PPP1R21: variants seen among roughly 807,000 people sequenced by gnomAD.
PPP1R21 encodes the protein KLRAQ motif containing 1.
In PPP1R21, 85 loss-of-function variants were observed where a neutral mutation model predicts 112.8. The ratio of observed to expected loss-of-function variants is 0.75; its 90% CI spans 0.63 to 0.90. PPP1R21 has a LOEUF of 0.90. Among genes scored for constraint, PPP1R21 ranks in the 40% least tolerant of loss-of-function variants. PPP1R21 has a pLI of 0.00. For missense variants in PPP1R21, 1,199 were observed against 901.5 expected (o/e 1.33, Z -4.23); for synonymous variants, 381 against 322.3 (o/e 1.18, Z -1.95).
At chr2:48,489,565 T>G (rs774389166) in intron 14 of PPP1R21, among the ~76,000 whole-genome samples, 10 of 151,742 alleles carry the variant, frequency 6.6e-5, no homozygotes, top group Non-Finnish European at 1.3e-4. Flanking sequence ...GGTCTTGAAC[T>G]CTGGGCTCAA....
intron 12 of PPP1R21, 64 bp downstream of exon 12, chr2:48,474,883 G>A: frequency 6.9e-7 from 1 of 1,458,042 alleles, no homozygotes; most frequent in Non-Finnish European, 9.4e-7. Flanking sequence ...GCTGGAAAAG[G>A]GAGATGGTTT....
chr2:48,498,185 T>C (rs1220432072), intron 16 of PPP1R21, among the ~76,000 whole-genome samples: 1 of 152,128 alleles, frequency 6.6e-6, no homozygotes, highest in African/African-American at 2.4e-5. Flanking sequence ...TTGTATGTTC[T>C]AGTTATTGGG....
In PPP1R21 at chr2:48,495,765, A is replaced by G. The variant is rs1226473216; in HGVS notation, c.1686A>G (p.Ala562=). 2 of 1,584,308 alleles carry G rather than the reference A, an allele frequency of 1.3e-6. No homozygotes were observed. Among genetic ancestry groups the G allele is most frequent in the Non-Finnish European group, 1.7e-6 (2 of 1,152,788 alleles). ...CTACTGAAAGTCGAGAAGGCCTTGC[A>G]CAGCAAGTATGGCACTGGGAAAATT... ...LSSTESREGL[A]QQVQQSLEKI... Residue 562 remains alanine, a synonymous_variant, in exon 16 of 22, where the codon GCA becomes GCG. Transcript: ENST00000294952.
intron 13 of PPP1R21, among the ~76,000 whole-genome samples, chr2:48,481,803 G>C (rs1036140478): frequency 6.6e-6 from 1 of 152,178 alleles, no homozygotes; most frequent in African/African-American, 2.4e-5. Context: ...AATCCAAAAT[G>C]CTTCAAAATC....
intron 5 of PPP1R21, 36 bp downstream of exon 5, chr2:48,459,954 T>C: frequency 6.2e-7 from 1 of 1,601,766 alleles, no homozygotes; most frequent in Non-Finnish European, 8.5e-7. Flanking sequence ...AAAAAATAGT[T>C]ACAGCTTTTG....
chr2:48,465,731 G>C, intron 9 of PPP1R21, 89 bp downstream of exon 9: 2 of 1,169,352 alleles, frequency 1.7e-6, no homozygotes, highest in Non-Finnish European at 2.4e-6. Flanking sequence ...CACCATCCAA[G>C]TACTGCAAAG....
intron 2 of PPP1R21, 56 bp from the exon 3 acceptor site, chr2:48,454,539 A>G: frequency 6.3e-7 from 1 of 1,593,908 alleles, no homozygotes; most frequent in East Asian, 2.3e-5. Context: ...TTTTAATAAA[A>G]TTTCTAAACC....
intron 19 of PPP1R21, among the ~76,000 whole-genome samples, chr2:48,508,627 C>T (rs1271501295): frequency 6.6e-6 from 1 of 152,176 alleles, no homozygotes; most frequent in Non-Finnish European, 1.5e-5. Context: ...CATGGATCCT[C>T]ATTGTTTGGT....
rs1572906921 is a variant in PPP1R21 at position 48,515,010 on chromosome 2, G to A, written c.*266G>A. The stretch of plus-strand genomic sequence containing the variant: ...TAGGTTTCCTTATGCTGTTTTTACT[G>A]TGCACTTTTTAAAATTAGGTTTTAA... On this transcript the variant is annotated 3_prime_UTR_variant, in exon 22 of 22. Coordinates refer to ENST00000294952, the MANE Select transcript of PPP1R21 (RefSeq NM_001135629.3). The A allele has an allele frequency of 2.4e-6, 1 of 415,164 alleles. No homozygotes were observed. Among genetic ancestry groups the A allele is most frequent in the Non-Finnish European group, 4.2e-6 (1 of 236,506 alleles). 25.7% of individuals were successfully genotyped at this position (415,164 alleles called of 1,614,324 possible). A position where few individuals can be genotyped will look rare whatever the true frequency, so the allele number is the denominator to read the frequency against.
intron 11 of PPP1R21, among the ~76,000 whole-genome samples, chr2:48,472,239 C>CAAAAAAAAAAAAAAA: frequency 2.3e-5 from 1 of 43,016 alleles, no homozygotes. Flanking sequence ...GACTCCATCT[C>CAAAAAAAAAAAAAAA]AAAAAAAAAA....
intron 21 of PPP1R21, among the ~76,000 whole-genome samples, chr2:48,513,282 G>A (rs1164010533): frequency 6.6e-6 from 1 of 151,696 alleles, no homozygotes; most frequent in Non-Finnish European, 1.5e-5. Context: ...TTGGCTCACT[G>A]CAACCTTCAC....
intron 14 of PPP1R21, among the ~76,000 whole-genome samples, chr2:48,490,160 AGTGAGCTGAGATT>A (rs1341757239): frequency 2.8e-5 from 4 of 144,970 alleles, no homozygotes; most frequent in East Asian, 4.5e-4. Context: ...CAGAGGTGGC[AGTGAGCTGAGATT>A]GTGCCACTCC....
At chr2:48,444,627 A>G (rs55757090) in intron 1 of PPP1R21, among the ~76,000 whole-genome samples, 21,919 of 152,232 alleles carry the variant, frequency 0.14, 2,262 homozygotes, top group East Asian at 0.52. Context: ...CCCTGGGTCA[A>G]TGATTCTCAA....
chr2:48,512,394 T>A (rs1224484671), intron 21 of PPP1R21, among the ~76,000 whole-genome samples: 1 of 147,480 alleles, frequency 6.8e-6, no homozygotes, highest in African/African-American at 2.7e-5. Flanking sequence ...TCCATTTTCA[T>A]AACTCAGTAT....
At chr2:48,448,391 T>G (rs1256897227) in intron 1 of PPP1R21, among the ~76,000 whole-genome samples, 1 of 152,246 alleles carries the variant, frequency 6.6e-6, no homozygotes, top group African/African-American at 2.4e-5. Flanking sequence ...TAGTCTGCAG[T>G]GTGCCTTAGA....
chr2:48,474,754 A>G lies in PPP1R21; in HGVS notation c.1160A>G (p.Asp387Gly). 2 of 1,613,462 alleles carry G rather than the reference A, an allele frequency of 1.2e-6. No individual in the cohort carries two copies. The highest frequency in any genetic ancestry group is 1.1e-5 in the South Asian group (1 of 90,976). ...GCCAGGAATCTAGAGCTGTCCCAGG[A>G]CATGAAAAAAATGACAGCTGTGTTT... ...LRARNLELSQ[D>G]MKKMTAVFEK... The change falls in exon 12 of 22, where the codon GAC becomes GGC. Residue 387 changes from aspartate to glycine, a missense_variant. By Grantham distance (94) the Asp-to-Gly change is moderately conservative. Transcript: ENST00000294952.
rs1668923632 is a variant in PPP1R21, at chr2:48,479,780, G to A, written c.1226-144G>A. ...GCTTATGTGTATCACCATTATGTCT[G>A]AATGTATCTGCCACGATTTTAAGAG... On this transcript the variant is annotated intron_variant, in intron 12 of 21. Transcript: ENST00000294952. 3 of 653,736 alleles carry A rather than the reference G, an allele frequency of 4.6e-6. No individual in the cohort carries two copies. In the South Asian group the frequency reaches 5.3e-5, roughly 12 times the overall value. 40.5% of individuals were successfully genotyped at this position (653,736 alleles called of 1,614,324 possible).
In PPP1R21 at chr2:48,465,631, T is replaced by C. The variant is rs1447265913; in HGVS notation, c.886T>C (p.Leu296=). ...TTCTGCCATTGACACTATATCTCCA[T>C]TGAATCAGAAGGTAAATTTAATTCA... ...VDSAIDTISP[L]NQKFSQYLHE... Residue 296 remains leucine, a synonymous_variant, in exon 9 of 22, where the codon TTG becomes CTG. Coordinates refer to ENST00000294952, the MANE Select transcript of PPP1R21 (RefSeq NM_001135629.3). 1.2e-6 allele frequency: 2 copies of C among 1,610,788 alleles called. No individual in the cohort carries two copies. Among genetic ancestry groups the C allele is most frequent in the Admixed American group, 1.7e-5 (1 of 59,152 alleles).
intron 14 of PPP1R21, among the ~76,000 whole-genome samples, chr2:48,489,681 C>T (rs140318731): frequency 8.0e-4 from 121 of 152,010 alleles, no homozygotes; most frequent in Middle Eastern, 6.8e-3. Context: ...GGGCTGGGCA[C>T]GGTAGCTCAC....
Sources: gnomAD v4.1 joint callset for allele counts (sites outside exome capture counted in the v4.1 genomes callset) on GRCh38, gnomAD v4.1.1 for gene constraint, MANE v1.5 for transcripts, NCBI Gene and HGNC (gene_info 2026-07-23, HGNC 2026-07-21) for gene names.